The following INSC variants were observed in gnomAD, a reference collection of about 807,000 sequenced individuals.
INSC encodes the protein protein inscuteable homolog.
Under a neutral mutation model 58.6 loss-of-function variants are expected in INSC, and 67 were observed. The observed-to-expected ratio is 1.14, with a 90% CI of 0.94 to 1.40. The LOEUF (loss-of-function observed/expected upper bound fraction) is 1.40, where lower values mean the gene tolerates loss of function less well. Ranked by LOEUF, INSC falls within the 40% of genes most tolerant of loss-of-function variation. INSC has a pLI of 0.00. For missense variants in INSC, 714 were observed against 692.0 expected (o/e 1.03, Z -0.36); for synonymous variants, 262 against 276.1 (o/e 0.95, Z 0.51).
the INSC span, among the ~76,000 whole-genome samples, chr11:15,262,284 A>C: frequency 6.6e-6 from 1 of 152,142 alleles, no homozygotes; most frequent in African/African-American, 2.4e-5. Flanking sequence ...AAAGACTTTA[A>C]TGAGCTGGCA....
intron 1 of INSC, among the ~76,000 whole-genome samples, chr11:15,138,855 G>T (rs1321973344): frequency 6.6e-6 from 1 of 152,142 alleles, no homozygotes; most frequent in Non-Finnish European, 1.5e-5. Context: ...AGAGGCCTTA[G>T]TAAGAGGCAA....
intron 1 of INSC, among the ~76,000 whole-genome samples, chr11:15,146,519 C>T (rs961149924): frequency 3.3e-5 from 5 of 152,184 alleles, no homozygotes; most frequent in Admixed American, 6.5e-5. Context: ...TGGCAGCTCC[C>T]CCTGCATAAC....
chr11:15,173,582 TTCTC>T (rs549314414), intron 2 of INSC, among the ~76,000 whole-genome samples: 154 of 151,874 alleles, frequency 1.0e-3, no homozygotes, highest in African/African-American at 3.3e-3. Flanking sequence ...TTTAATGGGT[TTCTC>T]TCTCTCTCTG....
the INSC span, among the ~76,000 whole-genome samples, chr11:15,261,273 T>G: frequency 6.6e-6 from 1 of 152,216 alleles, no homozygotes; most frequent in Admixed American, 6.5e-5. Flanking sequence ...TTAGTTTTTG[T>G]GTGCTGGTTT....
At chr11:15,189,098 G>A (rs1850073693) in intron 5 of INSC, among the ~76,000 whole-genome samples, 1 of 152,214 alleles carries the variant, frequency 6.6e-6, no homozygotes, top group Admixed American at 6.5e-5. Context: ...TGTTGTGCGT[G>A]TGTGAGGAAT....
chr11:15,232,371 G>A (rs1851957994), intron 9 of INSC, among the ~76,000 whole-genome samples: 1 of 152,174 alleles, frequency 6.6e-6, no homozygotes, highest in Non-Finnish European at 1.5e-5. Context: ...AACAAAGGGT[G>A]CTTGATATTA....
intron 1 of INSC, among the ~76,000 whole-genome samples, chr11:15,116,137 A>C (rs908363727): frequency 6.6e-6 from 1 of 152,202 alleles, no homozygotes; most frequent in Non-Finnish European, 1.5e-5. Context: ...GGGACTTAGA[A>C]GCACTGTTCG....
chr11:15,206,963 G>T lies in INSC; in HGVS notation c.819+6014G>T, dbSNP rs79192071. Among the ~76,000 whole-genome samples the T allele has an allele frequency of 5.2e-3, 793 of 152,292 alleles. 5 individuals carry two copies. The highest frequency in any genetic ancestry group is 0.018 in the African/African-American group (748 of 41,564). On this transcript the variant is annotated intron_variant, in intron 7 of 12. Coordinates refer to ENST00000379556, the MANE Select transcript of INSC (RefSeq NM_001042536.3). ...TTGCCCCCAAAGGACCTGGTTATTG[G>T]GGATTTTGCAATGACCATGGCAGGG...
At chr11:15,220,078 C>T (rs1421751687) in intron 7 of INSC, among the ~76,000 whole-genome samples, 1 of 152,208 alleles carries the variant, frequency 6.6e-6, no homozygotes, top group Admixed American at 6.5e-5. Flanking sequence ...TTGCCAAAGG[C>T]TTTCACAGCT....
intron 5 of INSC, 100 bp downstream of exon 5, chr11:15,178,547 G>A (rs1849654495): frequency 1.5e-6 from 2 of 1,354,520 alleles, no homozygotes; most frequent in Admixed American, 2.4e-5. Flanking sequence ...CTACTGATGT[G>A]GACTTTATTG....
chr11:15,195,081 T>C (rs1370062798), intron 6 of INSC, among the ~76,000 whole-genome samples: 1 of 152,148 alleles, frequency 6.6e-6, no homozygotes, highest in Non-Finnish European at 1.5e-5. Flanking sequence ...TGTAGTGGTG[T>C]TGGAGCAAAG....
At chr11:15,264,106 A>G in the INSC span, among the ~76,000 whole-genome samples, 1 of 125,194 alleles carries the variant, frequency 8.0e-6, no homozygotes, top group African/African-American at 3.0e-5. Flanking sequence ...AAAGGTCAGT[A>G]GCCTTAATTA....
In INSC at chr11:15,234,996, G is replaced by A. The variant is rs149504749; in HGVS notation, c.1171-606G>A. 4.1e-3 allele frequency: 657 copies of A among 159,024 alleles called. 5 individuals carry two copies. The highest frequency in any genetic ancestry group is 0.015 in the African/African-American group (628 of 41,702). The allele number at this position is 159,024 out of a possible 1,614,324, so 9.9% of individuals were successfully genotyped here. On this transcript the variant is annotated intron_variant, in intron 9 of 12. Coordinates refer to ENST00000379556, the MANE Select transcript of INSC (RefSeq NM_001042536.3). ...CAGGCAGAGACTTTCAGTGATGACT[G>A]ATAAGCGAGGCTTACCACAGACTTG... is the stretch of plus-strand genomic sequence containing the variant.
chr11:15,246,206 C>G lies in INSC; in HGVS notation c.*166C>G. 1.6e-6 allele frequency: 1 copy of G among 627,616 alleles called. No individual in the cohort carries two copies. Among genetic ancestry groups the G allele is most frequent in the Non-Finnish European group, 2.6e-6 (1 of 382,620 alleles). The allele number at this position is 627,616 out of a possible 1,614,324, so 38.9% of individuals were successfully genotyped here. ...AAAATCTTAGAGCAACATCATCAAA[C>G]AGTCTTTGGTCCTTGAGAATCTTCT... On this transcript the variant is annotated 3_prime_UTR_variant, in exon 13 of 13. Coordinates refer to ENST00000379556, the MANE Select transcript of INSC (RefSeq NM_001042536.3).
chr11:15,166,565 G>T (rs1467411428), intron 2 of INSC, among the ~76,000 whole-genome samples: 1 of 152,006 alleles, frequency 6.6e-6, no homozygotes, highest in Non-Finnish European at 1.5e-5. Context: ...GGTTTGGGAG[G>T]TTCCTATGTG....
At chr11:15,218,851 T>A (rs1232227880) in intron 7 of INSC, among the ~76,000 whole-genome samples, 2 of 152,186 alleles carry the variant, frequency 1.3e-5, no homozygotes, top group Non-Finnish European at 1.5e-5. Flanking sequence ...TCACAATAGC[T>A]CCTCCATCTA....
At chr11:15,196,216 T>C (rs61151260) in intron 6 of INSC, among the ~76,000 whole-genome samples, 2,877 of 152,302 alleles carry the variant, frequency 0.019, 102 homozygotes, top group African/African-American at 0.067. Flanking sequence ...ACAACGATAA[T>C]AATTACTATT....
At chr11:15,165,643 C>T (rs757622628) in intron 2 of INSC, among the ~76,000 whole-genome samples, 8 of 152,088 alleles carry the variant, frequency 5.3e-5, no homozygotes, top group Non-Finnish European at 1.0e-4. Context: ...TGGTGGTACC[C>T]TGGTACCTAA....
the INSC span, among the ~76,000 whole-genome samples, chr11:15,264,830 T>C: frequency 1.2e-4 from 18 of 152,210 alleles, no homozygotes; most frequent in East Asian, 2.3e-3. Context: ...AACCTATTGA[T>C]AGGTTCCAGG....
Sources: gnomAD v4.1 joint callset for allele counts (sites outside exome capture counted in the v4.1 genomes callset) on GRCh38, gnomAD v4.1.1 for gene constraint, MANE v1.5 for transcripts, NCBI Gene and HGNC (gene_info 2026-07-23, HGNC 2026-07-21) for gene names.